The following VPS8 variants were observed in gnomAD, a reference collection of about 807,000 sequenced individuals.
The protein encoded by VPS8 is VPS8 subunit of CORVET complex, also known as vacuolar protein sorting-associated protein 8 homolog.
A neutral mutation model predicts 216.4 loss-of-function variants in VPS8; 129 were observed. The observed-to-expected ratio is 0.60, with a 90% CI of 0.52 to 0.69. VPS8 has a LOEUF of 0.69. Ranked by LOEUF, VPS8 falls within the 30% of genes least tolerant of loss-of-function variation. The pLI is 0.00. For synonymous variants in VPS8, 571 were observed against 565.4 expected (o/e 1.01, Z -0.14); for missense variants, 1,531 against 1,683.5 (o/e 0.91, Z 1.59).
At position 184,842,355 on chromosome 3, in the gene VPS8, G is replaced by GTT. The variant is rs748678041; in HGVS notation, c.536-872_536-871dup. ...TTAATTTCCTTGGGCCTGGTTCCTG[G>GTT]TTTTTTTTTTTTTTAGACCCCAGTA... is the stretch of plus-strand genomic sequence containing the variant. On this transcript the variant is annotated intron_variant, in intron 7 of 47. Transcript: ENST00000625842. Among the ~76,000 whole-genome samples, 235 of 141,590 alleles carry GTT rather than the reference G, an allele frequency of 1.7e-3. 2 individuals are homozygous for GTT. The highest frequency in any genetic ancestry group is 4.9e-3 in the African/African-American group (192 of 38,968). 92.9% of individuals were successfully genotyped at this position (141,590 alleles called of 152,430 possible). A position where few individuals can be genotyped will look rare whatever the true frequency, so the allele number is the denominator to read the frequency against.
chr3:185,016,852 G>A lies in VPS8; in HGVS notation c.4003-7484G>A, dbSNP rs539446582. ...AAGCCTCCAGTTTCTCTTTCTTAGC[G>A]GCCATTGTTCTATCCAAATTGGCTT... On this transcript the variant is annotated intron_variant, in intron 45 of 47. Transcript: ENST00000625842. Among the ~76,000 whole-genome samples the A allele has an allele frequency of 2.2e-4, 34 of 152,100 alleles. 1 individual carries two copies. The highest frequency in any genetic ancestry group is 2.1e-3 in the South Asian group (10 of 4,822).
rs527363806 is a variant in VPS8 at position 184,993,681 on chromosome 3, G to T, written c.3586-302G>T. Among the ~76,000 whole-genome samples the T allele has an allele frequency of 1.3e-4, 20 of 152,272 alleles. No homozygotes were observed. In the South Asian group the frequency reaches 1.5e-3, roughly 11 times the overall value. On this transcript the variant is annotated intron_variant, in intron 42 of 47. Coordinates refer to ENST00000625842, the MANE Select transcript of VPS8 (RefSeq NM_001009921.3). ...ACATATATACGAGCTCAAAGAGGGA[G>T]AGTTGCTGTTTTATATGAAGGAGAG... is the stretch of plus-strand genomic sequence containing the variant.
At position 184,866,819 on chromosome 3, in the gene VPS8, A is replaced by C. The variant is rs1218418273; in HGVS notation, c.1396-57A>C. The C allele has an allele frequency of 2.0e-6, 3 of 1,519,898 alleles. No individual in the cohort carries two copies. The African/African-American group carries it at 4.2e-5, about 21-fold the overall frequency. The allele number at this position is 1,519,898 out of a possible 1,614,324, so 94.2% of individuals were successfully genotyped here. A position where few individuals can be genotyped will look rare whatever the true frequency, so the allele number is the denominator to read the frequency against. On this transcript the variant is annotated intron_variant, in intron 16 of 47. Coordinates refer to ENST00000625842, the MANE Select transcript of VPS8 (RefSeq NM_001009921.3). Reference sequence around the variant, plus strand: ...ATTAATAGTGATGAAATGTTAAAAAATATATTAAATACAAAGGAATTTTTT... The same window carrying C: ...ATTAATAGTGATGAAATGTTAAAAACTATATTAAATACAAAGGAATTTTTT...
chr3:185,045,558 G>T (rs1366724729), intron 46 of VPS8, among the ~76,000 whole-genome samples: 1 of 152,096 alleles, frequency 6.6e-6, no homozygotes, highest in Non-Finnish European at 1.5e-5. Flanking sequence ...ACCACCTGAG[G>T]TCAGGAATTC....
At chr3:184,816,947 C>T (rs578010140) in intron 1 of VPS8, among the ~76,000 whole-genome samples, 12 of 152,158 alleles carry the variant, frequency 7.9e-5, no homozygotes, top group Admixed American at 1.3e-4. Flanking sequence ...CTCTCCTTCC[C>T]GTTGCTGAAG....
chr3:184,982,219 T>C (rs1353616312), intron 40 of VPS8, among the ~76,000 whole-genome samples: 1 of 152,150 alleles, frequency 6.6e-6, no homozygotes, highest in Non-Finnish European at 1.5e-5. Flanking sequence ...ATAGAGTAGA[T>C]AAGAATCTAG....
intron 5 of VPS8, among the ~76,000 whole-genome samples, chr3:184,835,713 T>TC (rs1021794570): frequency 2.7e-5 from 4 of 148,502 alleles, no homozygotes; most frequent in Non-Finnish European, 6.0e-5. Flanking sequence ...ATTTTTCTTT[T>TC]TTTTTTTTTT....
intron 38 of VPS8, among the ~76,000 whole-genome samples, chr3:184,965,541 T>C (rs1337996004): frequency 1.3e-5 from 2 of 152,192 alleles, no homozygotes; most frequent in Non-Finnish European, 2.9e-5. Context: ...TCACTAGGGC[T>C]CCGCTGTGTA....
In VPS8 at chr3:185,048,411, G is replaced by A. The variant is rs544361652; in HGVS notation, c.4057-68G>A. ...AAGCACCATGTTATGCTTCAGCATC[G>A]TGTAGAGCAAGTTGAGAGGCTGCCT... On this transcript the variant is annotated intron_variant, in intron 46 of 47. Transcript: ENST00000625842. 4.1e-5 allele frequency: 60 copies of A among 1,459,110 alleles called. No individual in the cohort carries two copies. The Admixed American group carries it at 5.4e-4, about 13-fold the overall frequency. 90.4% of individuals were successfully genotyped at this position (1,459,110 alleles called of 1,614,324 possible).
At chr3:184,858,185 G>A (rs1031348565) in intron 14 of VPS8, among the ~76,000 whole-genome samples, 24 of 152,152 alleles carry the variant, frequency 1.6e-4, no homozygotes, top group African/African-American at 5.1e-4. Context: ...TGGAGCAGAA[G>A]GGGAAGAAGC....
At chr3:184,912,210 A>T (rs1311370936) in intron 25 of VPS8, among the ~76,000 whole-genome samples, 1 of 152,036 alleles carries the variant, frequency 6.6e-6, no homozygotes, top group Non-Finnish European at 1.5e-5. Flanking sequence ...TGAATAAAAG[A>T]CTCTTAATTC....
At position 185,052,276 on chromosome 3, in the gene VPS8, C is replaced by A; in HGVS notation, c.*251C>A. ...TTTTGCTTGTTAAGCAAAGGAATGT[C>A]ACATACCTCTGTCCAGCTTTTTAGG... On this transcript the variant is annotated 3_prime_UTR_variant, in exon 48 of 48. Transcript: ENST00000625842. 2.5e-6 allele frequency: 1 copy of A among 407,802 alleles called. No individual in the cohort carries two copies. Among genetic ancestry groups the A allele is most frequent in the Non-Finnish European group, 4.3e-6 (1 of 230,580 alleles). 25.3% of individuals were successfully genotyped at this position (407,802 alleles called of 1,614,324 possible). A position where few individuals can be genotyped will look rare whatever the true frequency, so the allele number is the denominator to read the frequency against.
intron 29 of VPS8, chr3:184,922,451 C>T (rs1430029295): frequency 1.1e-5 from 5 of 454,288 alleles, no homozygotes; most frequent in Admixed American, 7.1e-5. Flanking sequence ...AGATCCAGCA[C>T]AATGCCTGTA....
intron 47 of VPS8, 110 bp downstream of exon 47, chr3:185,048,669 C>G: frequency 8.9e-7 from 1 of 1,129,842 alleles, no homozygotes. Flanking sequence ...CTGGAAGGTG[C>G]CCTGGCATCC....
chr3:184,951,933 G>C (rs1744771851), intron 36 of VPS8, among the ~76,000 whole-genome samples: 2 of 152,142 alleles, frequency 1.3e-5, no homozygotes, highest in South Asian at 4.1e-4. Context: ...CTATTCATCT[G>C]GGTGATTTGC....
intron 3 of VPS8, among the ~76,000 whole-genome samples, chr3:184,829,453 TG>T (rs1265680152): frequency 6.6e-6 from 1 of 152,144 alleles, no homozygotes; most frequent in African/African-American, 2.4e-5. Flanking sequence ...TGACCTCAGG[TG>T]ATCTGCCTGC....
At chr3:184,983,678 A>T (rs1305913375) in intron 42 of VPS8, among the ~76,000 whole-genome samples, 2 of 152,168 alleles carry the variant, frequency 1.3e-5, no homozygotes, top group African/African-American at 2.4e-5. Context: ...ATTTTTAGAA[A>T]AAAACCTGTG....
At chr3:184,884,198 A>T (rs1347597694) in intron 21 of VPS8, among the ~76,000 whole-genome samples, 6 of 152,070 alleles carry the variant, frequency 3.9e-5, no homozygotes, top group African/African-American at 1.4e-4. Flanking sequence ...CATTAGGTAC[A>T]TCTCCCAATG....
chr3:184,941,241 A>G (rs948413036), intron 36 of VPS8, among the ~76,000 whole-genome samples: 8 of 51,816 alleles, frequency 1.5e-4, no homozygotes, highest in Admixed American at 6.0e-4. Flanking sequence ...TGAAAGCTCA[A>G]CCATTTAAAT....
Sources: allele counts gnomAD v4.1 joint callset (sites outside exome capture counted in the v4.1 genomes callset), GRCh38; gene constraint gnomAD v4.1.1; transcripts MANE v1.5; gene names NCBI Gene and HGNC (gene_info 2026-07-23, HGNC 2026-07-21).